Variants in NPRL3 observed in about 807,000 individuals in gnomAD.
NPRL3 encodes GATOR1 complex protein NPRL3.
A neutral mutation model predicts 57.2 loss-of-function variants in NPRL3; 23 were observed. The ratio of observed to expected loss-of-function variants is 0.40; its 90% confidence interval spans 0.29 to 0.57. The LOEUF (loss-of-function observed/expected upper bound fraction) is 0.57. Among genes scored for constraint, NPRL3 ranks in the 20% least tolerant of loss-of-function variants. NPRL3 has a pLI of 0.42. For missense variants in NPRL3, 691 were observed against 767.1 expected (o/e 0.90, Z 1.17); for synonymous variants, 333 against 321.1 (o/e 1.04, Z -0.39).
chr16:126,742 C>G (rs952225838), intron 3 of NPRL3, among the ~76,000 whole-genome samples: 2 of 152,306 alleles, frequency 1.3e-5, no homozygotes, highest in Non-Finnish European at 2.9e-5. Context: ...CCAGGGAACA[C>G]TACATCTTTT....
chr16:103,707 TG>T (rs1216042474), intron 7 of NPRL3, among the ~76,000 whole-genome samples: 3 of 152,110 alleles, frequency 2.0e-5, no homozygotes, highest in African/African-American at 7.2e-5. Flanking sequence ...TGGCCGGGCG[TG>T]GCGGCTCACG....
At chr16:125,530 T>A (rs1249121071) in intron 3 of NPRL3, among the ~76,000 whole-genome samples, 1 of 152,166 alleles carries the variant, frequency 6.6e-6, no homozygotes, top group Non-Finnish European at 1.5e-5. Context: ...GAGACAAGGA[T>A]GGTCCTACAA....
chr16:108,664 TTTTTTAA>T (rs1899639311), intron 7 of NPRL3, among the ~76,000 whole-genome samples: 1 of 52,644 alleles, frequency 1.9e-5, no homozygotes, highest in East Asian at 3.5e-4. Context: ...TTTACTTTTG[TTTTTTAA>T]TTTTTATTAT....
At chr16:89,124 A>G in intron 12 of NPRL3, 2 of 558,156 alleles carry the variant, frequency 3.6e-6, no homozygotes, top group Non-Finnish European at 6.5e-6. Context: ...AGGGACCTGA[A>G]CAGAGGTGCG....
At chr16:96,806 A>G (rs545832718) in intron 9 of NPRL3, among the ~76,000 whole-genome samples, 6 of 152,250 alleles carry the variant, frequency 3.9e-5, no homozygotes, top group African/African-American at 1.4e-4. Flanking sequence ...AAGAAATACA[A>G]GGGCACAATT....
At chr16:128,881 G>A (rs1249343087) in intron 3 of NPRL3, among the ~76,000 whole-genome samples, 6 of 152,164 alleles carry the variant, frequency 3.9e-5, no homozygotes, top group Non-Finnish European at 8.8e-5. Context: ...GGGCCTACGT[G>A]ACAAAATAAA....
At chr16:130,739 T>C in intron 2 of NPRL3, 148 bp from the exon 3 acceptor site, 1 of 733,492 alleles carries the variant, frequency 1.4e-6, no homozygotes, top group Non-Finnish European at 2.3e-6. Flanking sequence ...GGAATGAACA[T>C]GGGTGAACCT....
At chr16:122,567 G>A (rs1900329715) in intron 3 of NPRL3, among the ~76,000 whole-genome samples, 2 of 152,088 alleles carry the variant, frequency 1.3e-5, no homozygotes. Flanking sequence ...CCCTCATTTT[G>A]ATGGTGAAAG....
rs748046554 is a variant in NPRL3, at chr16:85,763, G to T, written c.*942C>A. On this transcript the variant is annotated 3_prime_UTR_variant, in exon 14 of 14. Coordinates refer to ENST00000611875, the MANE Select transcript of NPRL3 (RefSeq NM_001077350.3). ...TGTGGTCGACAGAGTGGCTGAGCAG[G>T]ACACACAGGCCTGAGCAAAGGGCCT... is the stretch of plus-strand genomic sequence containing the variant. 2.0e-6 allele frequency: 3 copies of T among 1,509,192 alleles called. No individual in the cohort carries two copies. In the South Asian group the frequency reaches 4.0e-5, roughly 20 times the overall value. The allele number at this position is 1,509,192 out of a possible 1,614,324, so 93.5% of individuals were successfully genotyped here.
chr16:122,153 A>G (rs146101157), intron 3 of NPRL3, among the ~76,000 whole-genome samples: 1,686 of 151,838 alleles, frequency 0.011, 37 homozygotes, highest in African/African-American at 0.038. Context: ...CTGGAGTGTA[A>G]TGGCGCAATC....
chr16:127,870 GA>G (rs369656025), intron 3 of NPRL3, among the ~76,000 whole-genome samples: 3,922 of 151,542 alleles, frequency 0.026, 148 homozygotes, highest in African/African-American at 0.085. Flanking sequence ...TAGCCAGGAT[GA>G]GTCTCGATCT....
chr16:100,262 T>G, intron 8 of NPRL3, 110 bp downstream of exon 8: 1 of 1,179,096 alleles, frequency 8.5e-7, no homozygotes, highest in Non-Finnish European at 1.1e-6. Context: ...GCTTCCGCAG[T>G]GGGAAGAAGA....
intron 7 of NPRL3, among the ~76,000 whole-genome samples, chr16:100,711 T>C (rs1194386800): frequency 6.6e-6 from 1 of 150,996 alleles, no homozygotes; most frequent in Non-Finnish European, 1.5e-5. Flanking sequence ...GGCTCATGCC[T>C]GTAATCCCAG....
intron 11 of NPRL3, chr16:91,185 C>T (rs188068924): frequency 1.3e-5 from 2 of 152,142 alleles, no homozygotes; most frequent in African/African-American, 2.4e-5. Context: ...AGAGACCACC[C>T]TGGTCAACAC....
At chr16:115,063 C>T (rs1899971478) in intron 5 of NPRL3, among the ~76,000 whole-genome samples, 1 of 151,886 alleles carries the variant, frequency 6.6e-6, no homozygotes, top group Non-Finnish European at 1.5e-5. Flanking sequence ...CCACCTTGAC[C>T]TTCCAGGCTC....
intron 9 of NPRL3, among the ~76,000 whole-genome samples, chr16:96,493 ACT>A (rs1899011719): frequency 6.6e-6 from 1 of 151,962 alleles, no homozygotes; most frequent in South Asian, 2.1e-4. Context: ...CATGGTGTTT[ACT>A]GAGTCCTGTC....
chr16:127,431 C>T (rs1268508105), intron 3 of NPRL3, among the ~76,000 whole-genome samples: 2 of 151,904 alleles, frequency 1.3e-5, no homozygotes, highest in Admixed American at 6.6e-5. Context: ...GATGGGGTTT[C>T]GTCATGCTGT....
At chr16:96,475 G>A (rs1293090093) in intron 9 of NPRL3, among the ~76,000 whole-genome samples, 3 of 151,954 alleles carry the variant, frequency 2.0e-5, no homozygotes, top group Non-Finnish European at 4.4e-5. Flanking sequence ...CTATGAAGGT[G>A]GGCAGGACAT....
At chr16:132,921 G>A (rs902394773) in intron 2 of NPRL3, among the ~76,000 whole-genome samples, 11 of 152,056 alleles carry the variant, frequency 7.2e-5, no homozygotes, top group Non-Finnish European at 1.2e-4. Flanking sequence ...CGCCCACCTC[G>A]GCCTCCCAAA....
Sources: gnomAD v4.1 joint callset for allele counts (sites outside exome capture counted in the v4.1 genomes callset) on GRCh38, gnomAD v4.1.1 for gene constraint, MANE v1.5 for transcripts, NCBI Gene and HGNC (gene_info 2026-07-23, HGNC 2026-07-21) for gene names.